The following LIN7A variants were observed in gnomAD, a reference collection of about 807,000 sequenced individuals.
LIN7A encodes the protein lin-7 cell polarity scaffold A, also known as protein lin-7 homolog A.
Under a neutral mutation model 29.8 loss-of-function variants are expected in LIN7A, and 25 were observed. That is an observed-to-expected ratio of 0.84 (90% CI 0.61 to 1.17). The LOEUF (loss-of-function observed/expected upper bound fraction) is 1.17, where lower values mean the gene tolerates loss of function less well. Ranked by LOEUF, LIN7A falls within the 50% of genes most tolerant of loss-of-function variation. The pLI, the probability that LIN7A is intolerant of heterozygous loss-of-function variation, is 0.00. For synonymous variants in LIN7A, 118 were observed against 107.5 expected, an observed-to-expected ratio of 1.10 and a Z score of -0.60; for missense variants, 239 against 287.0, an observed-to-expected ratio of 0.83 and a Z score of 1.21.
intron 1 of LIN7A, among the ~76,000 whole-genome samples, chr12:80,924,789 C>T (rs1877494754): frequency 6.6e-6 from 1 of 152,138 alleles, no homozygotes; most frequent in South Asian, 2.1e-4. Context: ...ATATGATTAG[C>T]TTATATTAGA....
intron 4 of LIN7A, among the ~76,000 whole-genome samples, chr12:80,814,885 C>T (rs1871460528): frequency 6.6e-6 from 1 of 152,098 alleles, no homozygotes; most frequent in Non-Finnish European, 1.5e-5. Flanking sequence ...ACTGTCTTTC[C>T]CACCAGGACA....
intron 2 of LIN7A, among the ~76,000 whole-genome samples, chr12:80,863,533 G>T (rs138128731): frequency 1.2e-3 from 183 of 152,254 alleles, no homozygotes; most frequent in African/African-American, 3.5e-3. Flanking sequence ...CAGGCCCTTT[G>T]ACCTTCTATT....
intron 4 of LIN7A, chr12:80,832,519 C>A: frequency 2.1e-6 from 1 of 476,882 alleles, no homozygotes; most frequent in South Asian, 1.5e-5. Context: ...TGGATGAAAT[C>A]TCTTTTCCAG....
At chr12:80,911,710 A>G (rs749885106) in intron 1 of LIN7A, among the ~76,000 whole-genome samples, 1 of 152,238 alleles carries the variant, frequency 6.6e-6, no homozygotes, top group African/African-American at 2.4e-5. Flanking sequence ...TTGAATTTAT[A>G]GTAAATAGCT....
chr12:80,827,453 G>A lies in LIN7A; in HGVS notation c.484-15770C>T, dbSNP rs576088636. Among the ~76,000 whole-genome samples, 115 of 152,154 alleles carry A rather than the reference G, an allele frequency of 7.6e-4. 1 individual carries two copies. Among genetic ancestry groups the A allele is most frequent in the African/African-American group, 2.6e-3 (108 of 41,518 alleles). ...TCATTTAGGTTTATATGGACTACCC[G>A]TGTAAAGTGCCAAGTACTAAACCTG... On this transcript the variant is annotated intron_variant, in intron 4 of 5. Transcript: ENST00000552864.
At chr12:80,855,362 A>G (rs1873545354) in intron 2 of LIN7A, among the ~76,000 whole-genome samples, 1 of 152,050 alleles carries the variant, frequency 6.6e-6, no homozygotes, top group Admixed American at 6.6e-5. Flanking sequence ...AAAAATTAAG[A>G]TTAATATCTA....
At chr12:80,843,327 T>C (rs1311237323) in intron 4 of LIN7A, among the ~76,000 whole-genome samples, 1 of 152,134 alleles carries the variant, frequency 6.6e-6, no homozygotes, top group African/African-American at 2.4e-5. Context: ...GGATTTCTGA[T>C]TGTCTGATGC....
intron 4 of LIN7A, chr12:80,841,748 C>A (rs746748370): frequency 3.9e-6 from 1 of 256,850 alleles, no homozygotes; most frequent in Non-Finnish European, 6.2e-6. Flanking sequence ...TTTACGGTTG[C>A]CGCTGGCTCC....
intron 2 of LIN7A, among the ~76,000 whole-genome samples, chr12:80,881,491 C>G (rs552658905): frequency 3.0e-4 from 45 of 152,124 alleles, no homozygotes; most frequent in Admixed American, 1.5e-3. Flanking sequence ...AAAATACATG[C>G]TACTCTGTCC....
intron 4 of LIN7A, chr12:80,832,641 C>T (rs368314113): frequency 1.2e-4 from 55 of 458,294 alleles, no homozygotes; most frequent in Non-Finnish European, 2.2e-4. Flanking sequence ...CTTATGGTAG[C>T]TTCCGTGACA....
chr12:80,889,194 G>A (rs1419317418), intron 2 of LIN7A, 57 bp downstream of exon 2: 1 of 922,958 alleles, frequency 1.1e-6, no homozygotes, highest in East Asian at 2.4e-5. Flanking sequence ...GAGAAGACAT[G>A]TTTTCTATGA....
intron 4 of LIN7A, among the ~76,000 whole-genome samples, chr12:80,817,237 A>G (rs1331662072): frequency 6.6e-6 from 1 of 152,120 alleles, no homozygotes; most frequent in Non-Finnish European, 1.5e-5. Context: ...TTTGAATTGC[A>G]CTACATACAT....
chr12:80,824,299 T>G (rs905454346), intron 4 of LIN7A, among the ~76,000 whole-genome samples: 2 of 152,092 alleles, frequency 1.3e-5, no homozygotes, highest in African/African-American at 4.8e-5. Context: ...TGTACAACTT[T>G]CCTAGATTAA....
chr12:80,831,363 C>G (rs1461907820), intron 4 of LIN7A, among the ~76,000 whole-genome samples: 10 of 152,086 alleles, frequency 6.6e-5, no homozygotes, highest in Non-Finnish European at 1.5e-4. Flanking sequence ...GGCAGAGTAA[C>G]AAAACAAAGA....
chr12:80,811,870 G>A lies in LIN7A; in HGVS notation c.484-187C>T, dbSNP rs899391553. Among the ~76,000 whole-genome samples the A allele has an allele frequency of 5.3e-5, 8 of 152,318 alleles. No homozygotes were observed. In the South Asian group the frequency reaches 1.2e-3, roughly 24 times the overall value. ...GGTTAAACTATAAGCAGGTTAGGCT[G>A]CACTAGGTCACAGAATGGACTGTGT... is the stretch of plus-strand genomic sequence containing the variant. On this transcript the variant is annotated intron_variant, in intron 4 of 5. Coordinates refer to ENST00000552864, the MANE Select transcript of LIN7A (RefSeq NM_004664.4).
intron 4 of LIN7A, among the ~76,000 whole-genome samples, chr12:80,833,954 A>G (rs1036242081): frequency 5.9e-5 from 9 of 152,128 alleles, no homozygotes; most frequent in African/African-American, 2.2e-4. Context: ...CCTCTTGATT[A>G]TCTCTGCTCA....
chr12:80,921,257 C>T (rs186216212), intron 1 of LIN7A, among the ~76,000 whole-genome samples: 1 of 151,962 alleles, frequency 6.6e-6, no homozygotes, highest in Admixed American at 6.5e-5. Context: ...TTTTGGAATT[C>T]CCAGACTCCA....
intron 1 of LIN7A, among the ~76,000 whole-genome samples, chr12:80,899,924 T>C (rs946148619): frequency 1.3e-5 from 2 of 151,604 alleles, no homozygotes; most frequent in Non-Finnish European, 2.9e-5. Flanking sequence ...CCCGCCACAA[T>C]GCCAGGCTAA....
At chr12:80,812,586 T>C (rs1326846647) in intron 4 of LIN7A, among the ~76,000 whole-genome samples, 1 of 152,158 alleles carries the variant, frequency 6.6e-6, no homozygotes, top group Non-Finnish European at 1.5e-5. Flanking sequence ...AGTTTCACTC[T>C]TGTTGGCCAG....
Sources: gnomAD v4.1 joint callset for allele counts (sites outside exome capture counted in the v4.1 genomes callset) on GRCh38, gnomAD v4.1.1 for gene constraint, MANE v1.5 for transcripts, NCBI Gene and HGNC (gene_info 2026-07-23, HGNC 2026-07-21) for gene names.